Variants in TAFA2 observed in about 807,000 individuals in gnomAD.
TAFA2 encodes the protein chemokine-like protein TAFA-2.
A neutral mutation model predicts 18.8 loss-of-function variants in TAFA2; 7 were observed. That is an observed-to-expected ratio of 0.37 (90% CI 0.21 to 0.70). The LOEUF (loss-of-function observed/expected upper bound fraction) is 0.70, where lower values mean the gene tolerates loss of function less well. Ranked by LOEUF, TAFA2 falls within the 30% of genes least tolerant of loss-of-function variation. TAFA2 has a pLI of 0.53. For synonymous variants in TAFA2, 60 were observed against 54.2 expected, an observed-to-expected ratio of 1.11 and a Z score of -0.47; for missense variants, 122 against 158.1, an observed-to-expected ratio of 0.77 and a Z score of 1.23.
At chr12:61,921,591 G>A (rs940791459) in intron 1 of TAFA2, among the ~76,000 whole-genome samples, 2 of 152,028 alleles carry the variant, frequency 1.3e-5, no homozygotes, top group African/African-American at 4.8e-5. Context: ...GTTTTTTTGT[G>A]TGCAGTGGGA....
chr12:61,879,820 C>T (rs2121266654), intron 1 of TAFA2: 1 of 1,436,278 alleles, frequency 7.0e-7, no homozygotes. Context: ...CAGAGCTTGG[C>T]AACATGCAGG....
At chr12:62,147,672 G>A (rs2062295696) in intron 1 of TAFA2, among the ~76,000 whole-genome samples, 1 of 143,546 alleles carries the variant, frequency 7.0e-6, no homozygotes, top group Admixed American at 7.1e-5. Flanking sequence ...GGAGCTTGCA[G>A]TGAGCCAAGA....
intron 1 of TAFA2, among the ~76,000 whole-genome samples, chr12:62,074,305 C>T (rs1451067781): frequency 6.6e-6 from 1 of 152,174 alleles, no homozygotes; most frequent in Non-Finnish European, 1.5e-5. Flanking sequence ...TTTATTTTTG[C>T]ATCACAAAAA....
chr12:61,883,466 T>C (rs1875237932), intron 1 of TAFA2, among the ~76,000 whole-genome samples: 1 of 152,194 alleles, frequency 6.6e-6, no homozygotes, highest in African/African-American at 2.4e-5. Flanking sequence ...AAAACAGCTA[T>C]TACGAAGTTC....
chr12:62,155,427 C>T (rs955224119), intron 1 of TAFA2, among the ~76,000 whole-genome samples: 1 of 151,964 alleles, frequency 6.6e-6, no homozygotes, highest in Non-Finnish European at 1.5e-5. Context: ...TCATTCTTCA[C>T]AGAATTGGAA....
chr12:62,108,648 G>C (rs1869575945), intron 1 of TAFA2, among the ~76,000 whole-genome samples: 1 of 152,182 alleles, frequency 6.6e-6, no homozygotes, highest in African/African-American at 2.4e-5. Context: ...TCCAGTATCT[G>C]TTGTTTCCTG....
At chr12:61,945,914 T>C (rs1005290637) in intron 1 of TAFA2, among the ~76,000 whole-genome samples, 9 of 149,972 alleles carry the variant, frequency 6.0e-5, no homozygotes, top group Non-Finnish European at 1.2e-4. Context: ...GCCATCCCCA[T>C]CAAACTACCA....
chr12:61,929,420 G>A (rs1877455389), intron 1 of TAFA2, among the ~76,000 whole-genome samples: 1 of 152,068 alleles, frequency 6.6e-6, no homozygotes, highest in African/African-American at 2.4e-5. Context: ...ATCATCACTG[G>A]CCATCAGAAA....
intron 2 of TAFA2, among the ~76,000 whole-genome samples, chr12:61,771,073 C>T (rs898869989): frequency 1.3e-5 from 2 of 151,964 alleles, no homozygotes; most frequent in East Asian, 1.9e-4. Context: ...CAAATGGACA[C>T]CAAAAGTGAA....
chr12:62,233,495 T>C (rs779203002), intron 1 of TAFA2, among the ~76,000 whole-genome samples: 3 of 152,128 alleles, frequency 2.0e-5, no homozygotes, highest in Non-Finnish European at 2.9e-5. Flanking sequence ...ATCACTCTGA[T>C]CCTCTCCACG....
intron 2 of TAFA2, among the ~76,000 whole-genome samples, chr12:61,778,437 G>C (rs1040862292): frequency 6.6e-6 from 1 of 151,678 alleles, no homozygotes; most frequent in African/African-American, 2.4e-5. Flanking sequence ...ACAAACGCTT[G>C]CCACCAGTCA....
chr12:61,871,171 T>A (rs1044323781), intron 1 of TAFA2, among the ~76,000 whole-genome samples: 1 of 152,120 alleles, frequency 6.6e-6, no homozygotes, highest in Non-Finnish European at 1.5e-5. Context: ...TGAAATCCAA[T>A]CTTCAATGTG....
chr12:61,905,390 C>T (rs1466753943), intron 1 of TAFA2, among the ~76,000 whole-genome samples: 1 of 151,994 alleles, frequency 6.6e-6, no homozygotes, highest in Non-Finnish European at 1.5e-5. Context: ...TTACTATTAC[C>T]CTAACATCAA....
chr12:61,993,509 C>A (rs889048627), intron 1 of TAFA2, among the ~76,000 whole-genome samples: 1 of 152,036 alleles, frequency 6.6e-6, no homozygotes, highest in Non-Finnish European at 1.5e-5. Context: ...GATGTATTAC[C>A]TTGAAGACAC....
At chr12:62,047,146 A>G (rs1004701780) in intron 1 of TAFA2, among the ~76,000 whole-genome samples, 7 of 152,132 alleles carry the variant, frequency 4.6e-5, no homozygotes, top group Non-Finnish European at 1.0e-4. Flanking sequence ...AATAAGTAAT[A>G]AACATTCTCT....
intron 1 of TAFA2, among the ~76,000 whole-genome samples, chr12:62,108,736 A>G (rs1006346433): frequency 3.3e-5 from 5 of 152,212 alleles, no homozygotes; most frequent in African/African-American, 1.2e-4. Context: ...TCTAATGACC[A>G]GTGATGGTGA....
At chr12:61,778,443 A>G (rs900481324) in intron 2 of TAFA2, among the ~76,000 whole-genome samples, 19 of 151,876 alleles carry the variant, frequency 1.3e-4, no homozygotes, top group African/African-American at 4.3e-4. Context: ...GCTTGCCACC[A>G]GTCATGATGC....
intron 1 of TAFA2, among the ~76,000 whole-genome samples, chr12:61,867,898 T>C (rs1249407924): frequency 6.6e-6 from 1 of 152,180 alleles, no homozygotes; most frequent in Non-Finnish European, 1.5e-5. Flanking sequence ...AAATCTATTA[T>C]TCCTAATGTG....
Position 61,709,583 on chromosome 12 carries a change from A to T in TAFA2, c.*823T>A, listed in dbSNP as rs1246869130. The stretch of plus-strand genomic sequence containing the variant: ...ACTGCTGATTTCTGTGAAGGGAATA[A>T]GTAAACATAAAAAATTAAAGAAAAG... On this transcript the variant is annotated 3_prime_UTR_variant, in exon 5 of 5. Coordinates refer to ENST00000416284, the MANE Select transcript of TAFA2 (RefSeq NM_178539.5). 6.6e-6 allele frequency: 1 copy of T among 150,940 alleles called. No individual in the cohort carries two copies. The highest frequency in any genetic ancestry group is 2.0e-4 in the East Asian group (1 of 5,102). The allele number at this position is 150,940 out of a possible 1,614,324, so 9.4% of individuals were successfully genotyped here. A position where few individuals can be genotyped will look rare whatever the true frequency, so the allele number is the denominator to read the frequency against.
Sources: allele counts gnomAD v4.1 joint callset (sites outside exome capture counted in the v4.1 genomes callset), GRCh38; gene constraint gnomAD v4.1.1; transcripts MANE v1.5; gene names NCBI Gene and HGNC (gene_info 2026-07-23, HGNC 2026-07-21).